WDR75: variants seen among roughly 807,000 people sequenced by gnomAD.
The protein encoded by WDR75 is WD repeat-containing protein 75.
Under a neutral mutation model 106.1 loss-of-function variants are expected in WDR75, and 52 were observed. The observed-to-expected ratio is 0.49, with a 90% confidence interval of 0.39 to 0.62. The LOEUF (loss-of-function observed/expected upper bound fraction) is 0.62. Ranked by LOEUF, WDR75 falls within the 20% of genes least tolerant of loss-of-function variation. The probability of loss-of-function intolerance (pLI) is 0.00; values close to 1 mark genes in which losing one functional copy is unlikely to be tolerated. For missense variants in WDR75, 905 were observed against 970.3 expected (o/e 0.93, Z 0.89); for synonymous variants, 333 against 335.5 (o/e 0.99, Z 0.08).
At chr2:189,447,189 CA>C (rs1686518619) in intron 1 of WDR75, among the ~76,000 whole-genome samples, 1 of 152,170 alleles carries the variant, frequency 6.6e-6, no homozygotes, top group Admixed American at 6.5e-5. Flanking sequence ...ATAATAGACA[CA>C]GAGCAAATAC....
chr2:189,463,695 GATA>G lies in WDR75; in HGVS notation c.945_947del (p.Ile317del), dbSNP rs1418920723. The G allele has an allele frequency of 9.9e-6, 16 of 1,613,602 alleles. No individual in the cohort carries two copies. The highest frequency in any genetic ancestry group is 1.1e-5 in the Non-Finnish European group (13 of 1,179,742). ...ATACCTATTTTTTTCTACCCACAGAGATAATAATTATTCACCGAAACCTTGAAG... is the reference window on the plus strand; with the variant it reads ...ATACCTATTTTTTTCTACCCACAGAGATAATTATTCACCGAAACCTTGAAG... On this transcript the variant is annotated inframe_deletion and splice_region_variant, in exon 10 of 21. Coordinates refer to ENST00000314761, the MANE Select transcript of WDR75 (RefSeq NM_032168.3).
chr2:189,470,787 TGTC>T, intron 17 of WDR75, 29 bp from the exon 18 acceptor site: 1 of 1,547,140 alleles, frequency 6.5e-7, no homozygotes, highest in East Asian at 2.3e-5. Context: ...CTCTACAGTT[TGTC>T]TTTTGCATCA....
chr2:189,458,698 A>G (rs1686794587), intron 6 of WDR75, 55 bp from the exon 7 acceptor site: 1 of 1,418,290 alleles, frequency 7.1e-7, no homozygotes, highest in Non-Finnish European at 9.4e-7. Flanking sequence ...TAACTACATC[A>G]CCACTTATCA....
chr2:189,457,690 A>T (rs1432500475), intron 6 of WDR75, among the ~76,000 whole-genome samples: 1 of 152,152 alleles, frequency 6.6e-6, no homozygotes, highest in Non-Finnish European at 1.5e-5. Context: ...TCATTTTATG[A>T]ATGTAGGAAT....
At chr2:189,457,220 G>A in intron 5 of WDR75, 91 bp from the exon 6 acceptor site, 4 of 843,788 alleles carry the variant, frequency 4.7e-6, no homozygotes, top group Non-Finnish European at 7.6e-6. Flanking sequence ...CAGCCTGGGG[G>A]ACAAGAGCGA....
intron 7 of WDR75, 115 bp downstream of exon 7, chr2:189,458,987 C>A: frequency 1.6e-6 from 2 of 1,244,202 alleles, no homozygotes; most frequent in Non-Finnish European, 2.1e-6. Flanking sequence ...TTTTTGTGTG[C>A]TTTTCATTTC....
intron 2 of WDR75, chr2:189,449,965 A>G (rs74819651): frequency 0.041 from 40,031 of 982,100 alleles, 1,180 homozygotes; most frequent in African/African-American, 0.14. Flanking sequence ...AAAATCTAGC[A>G]GAAACTTAGT....
chr2:189,464,760 C>T (rs1277776319), intron 11 of WDR75, among the ~76,000 whole-genome samples: 1 of 151,860 alleles, frequency 6.6e-6, no homozygotes, highest in African/African-American at 2.4e-5. Context: ...GCTGTTTGTT[C>T]TTAGAAACAA....
intron 7 of WDR75, 90 bp downstream of exon 7, chr2:189,458,962 C>A: frequency 7.3e-7 from 1 of 1,375,774 alleles, no homozygotes; most frequent in Non-Finnish European, 9.6e-7. Flanking sequence ...TCCCAAGAAA[C>A]AGCCTCCCTT....
intron 14 of WDR75, 86 bp from the exon 15 acceptor site, chr2:189,468,389 T>C: frequency 2.4e-6 from 3 of 1,242,736 alleles, no homozygotes; most frequent in Admixed American, 1.8e-5. Context: ...CTGCATTACA[T>C]AGAACAGCCG....
chr2:189,466,607 T>C, intron 13 of WDR75, 25 bp downstream of exon 13: 2 of 1,581,410 alleles, frequency 1.3e-6, no homozygotes, highest in Non-Finnish European at 1.7e-6. Context: ...ATGTTATGTT[T>C]AAAGTGTGCA....
chr2:189,448,718 A>G (rs1686552695), intron 2 of WDR75: 1 of 674,282 alleles, frequency 1.5e-6, no homozygotes, highest in Admixed American at 2.1e-5. Context: ...GTATTACCTG[A>G]GAAGGATATT....
At chr2:189,464,128 T>G in intron 11 of WDR75, 167 bp downstream of exon 11, 3 of 621,674 alleles carry the variant, frequency 4.8e-6, no homozygotes, top group South Asian at 4.1e-5. Flanking sequence ...ATAATTCCAT[T>G]GAGGCCACAG....
At chr2:189,469,979 A>G (rs369406835) in intron 16 of WDR75, 97 bp from the exon 17 acceptor site, 9 of 1,085,634 alleles carry the variant, frequency 8.3e-6, no homozygotes, top group Non-Finnish European at 1.1e-5. Flanking sequence ...CAGTTACTCA[A>G]TGGGGTGAGT....
chr2:189,474,768 A>G lies in WDR75; in HGVS notation c.2248A>G (p.Met750Val), dbSNP rs1443476475. The G allele has an allele frequency of 6.8e-6, 11 of 1,613,928 alleles. No homozygotes were observed. In the East Asian group the frequency reaches 1.8e-4, roughly 26 times the overall value. Residue 750 changes from methionine to valine, a missense_variant, in exon 20 of 21, where the codon ATG becomes GTG. By Grantham distance (21) the Met-to-Val change is conservative (BLOSUM62 1). Transcript: ENST00000314761. ...VLPSAAFLCSMFVNSLLLSKE... is the reference protein window; with the variant it reads ...VLPSAAFLCSVFVNSLLLSKE... ...GCCATCTGCTGCTTTCCTGTGCTCC[A>G]TGTTTGTAAATTCATTGCTGCTGTC...
At chr2:189,450,174 A>G in intron 2 of WDR75, 1 of 976,208 alleles carries the variant, frequency 1.0e-6, no homozygotes, top group Non-Finnish European at 1.2e-6. Context: ...ATTGTATTTT[A>G]TGAAAGTATT....
Position 189,474,253 on chromosome 2 carries a change from A to G in WDR75, c.2117A>G (p.Gln706Arg). 2.5e-6 allele frequency: 4 copies of G among 1,614,024 alleles called. No individual in the cohort carries two copies. Among genetic ancestry groups the G allele is most frequent in the Non-Finnish European group, 3.4e-6 (4 of 1,179,904 alleles). The change falls in exon 19 of 21, where the codon CAG (glutamine) becomes CGG (arginine). Residue 706 changes from glutamine to arginine, a missense_variant. Gln to Arg is a conservative substitution (Grantham distance 43, BLOSUM62 1). Coordinates refer to ENST00000314761, the MANE Select transcript of WDR75 (RefSeq NM_032168.3). ...ATATTGGGAAAACACAGGCAACAGC[A>G]GGATGAAAAACTAAACGAAACTTTA... ...YFILGKHRQQ[Q>R]DEKLNETLEN...
At chr2:189,472,564 A>G (rs1442875490) in intron 18 of WDR75, among the ~76,000 whole-genome samples, 1 of 147,810 alleles carries the variant, frequency 6.8e-6, no homozygotes, top group Non-Finnish European at 1.5e-5. Context: ...GTCTGTTTCC[A>G]TTACATTTTT....
At chr2:189,458,978 T>C in intron 7 of WDR75, 106 bp downstream of exon 7, 2 of 1,287,684 alleles carry the variant, frequency 1.6e-6, no homozygotes, top group Non-Finnish European at 2.1e-6. Flanking sequence ...CCCTTTCCTT[T>C]TTTGTGTGCT....
Sources: allele counts gnomAD v4.1 joint callset (sites outside exome capture counted in the v4.1 genomes callset), GRCh38; gene constraint gnomAD v4.1.1; transcripts MANE v1.5; gene names NCBI Gene and HGNC (gene_info 2026-07-23, HGNC 2026-07-21).